PRDM11: variants seen among roughly 807,000 people sequenced by gnomAD.
The protein encoded by PRDM11 is PR domain-containing protein 11.
Under a neutral mutation model 97.8 loss-of-function variants are expected in PRDM11, and 20 were observed. The ratio of observed to expected loss-of-function variants is 0.20; its 90% CI spans 0.14 to 0.30. The LOEUF (loss-of-function observed/expected upper bound fraction) is 0.30, where lower values mean the gene tolerates loss of function less well. PRDM11 is among the 10% of genes least tolerant of loss of function. PRDM11 has a pLI of 1.00. For synonymous variants in PRDM11, 599 were observed against 637.7 expected, an observed-to-expected ratio of 0.94 and a Z score of 0.91; for missense variants, 1,139 against 1,555.2, an observed-to-expected ratio of 0.73 and a Z score of 4.50.
intron 6 of PRDM11, among the ~76,000 whole-genome samples, chr11:45,223,918 A>G (rs1032421498): frequency 1.3e-5 from 2 of 152,312 alleles, no homozygotes; most frequent in Middle Eastern, 3.4e-3. Flanking sequence ...GTCATAGGAA[A>G]GAATGTTCAA....
intron 1 of PRDM11, among the ~76,000 whole-genome samples, chr11:45,156,482 C>G (rs916533396): frequency 5.3e-5 from 8 of 152,232 alleles, no homozygotes; most frequent in African/African-American, 1.9e-4. Flanking sequence ...GGTCCGCAGA[C>G]CTCTGCCCAT....
At chr11:45,196,458 G>A (rs895845160) in intron 4 of PRDM11, among the ~76,000 whole-genome samples, 2 of 152,086 alleles carry the variant, frequency 1.3e-5, no homozygotes, top group African/African-American at 4.8e-5. Context: ...ATTTCTCTCT[G>A]GCTCATTCCA....
chr11:45,193,751 T>C (rs983371603), intron 4 of PRDM11, among the ~76,000 whole-genome samples: 5 of 152,252 alleles, frequency 3.3e-5, no homozygotes, highest in African/African-American at 7.2e-5. Context: ...GACAATCATT[T>C]ACTCTTGCTC....
intron 4 of PRDM11, among the ~76,000 whole-genome samples, chr11:45,196,351 C>T (rs147566887): frequency 6.6e-6 from 1 of 152,254 alleles, no homozygotes; most frequent in East Asian, 1.9e-4. Context: ...CCATGGGGTG[C>T]TTTTCATGTC....
intron 5 of PRDM11, among the ~76,000 whole-genome samples, chr11:45,207,741 C>T (rs908587632): frequency 6.6e-6 from 1 of 152,226 alleles, no homozygotes; most frequent in Non-Finnish European, 1.5e-5. Context: ...CTGCCACCAT[C>T]TTGGACTGGG....
Position 45,166,652 on chromosome 11 carries a change from C to T in PRDM11, c.-6-15109C>T, listed in dbSNP as rs1260983669. Among the ~76,000 whole-genome samples, 8 of 152,238 alleles carry T rather than the reference C, an allele frequency of 5.3e-5. No individual in the cohort carries two copies. In the East Asian group the frequency reaches 1.5e-3, roughly 29 times the overall value. On this transcript the variant is annotated intron_variant, in intron 1 of 7. Coordinates refer to ENST00000683152, the MANE Select transcript of PRDM11 (RefSeq NM_001384648.1). ...CTAGCACCTAGGACAGTGCCTGGCA[C>T]TTGGTAGGATGTGAACACAGAAGAG...
chr11:45,176,274 G>A (rs1852326043), intron 1 of PRDM11, among the ~76,000 whole-genome samples: 1 of 152,102 alleles, frequency 6.6e-6, no homozygotes, highest in Non-Finnish European at 1.5e-5. Flanking sequence ...TTATTGGGGA[G>A]GCTGAGACAG....
At position 45,227,337 on chromosome 11, in the gene PRDM11, G is replaced by T; in HGVS notation, c.2712G>T (p.Leu904=). Residue 904 remains leucine (L), a synonymous_variant, in exon 8 of 8, where the codon CTG becomes CTT. Transcript: ENST00000683152. The surrounding 1 kb of genome is among the most constrained non-coding windows in gnomAD (Gnocchi z 8.0). The part of the protein sequence containing the change: ...LAYIFQGEYL[L]VSQVDDKIEE... ...ACATCTTCCAGGGCGAGTACCTGCTGGTGTCCCAGGTGGATGACAAGATCG... is the reference window on the plus strand; with the variant it reads ...ACATCTTCCAGGGCGAGTACCTGCTTGTGTCCCAGGTGGATGACAAGATCG... The T allele has an allele frequency of 1.3e-6, 2 of 1,533,972 alleles. No individual in the cohort carries two copies. Among genetic ancestry groups the T allele is most frequent in the Non-Finnish European group, 1.7e-6 (2 of 1,146,748 alleles).
At chr11:45,155,693 G>C (rs1851776541) in intron 1 of PRDM11, among the ~76,000 whole-genome samples, 1 of 151,956 alleles carries the variant, frequency 6.6e-6, no homozygotes, top group African/African-American at 2.4e-5. Flanking sequence ...GAGGCAGAGG[G>C]CAGGGAGGTG....
At chr11:45,201,403 A>C (rs1232380114) in intron 4 of PRDM11, among the ~76,000 whole-genome samples, 1 of 152,130 alleles carries the variant, frequency 6.6e-6, no homozygotes, top group Non-Finnish European at 1.5e-5. Context: ...TTTTTACTAA[A>C]ATCTTAACAT....
intron 5 of PRDM11, chr11:45,208,821 C>T (rs1473226397): frequency 2.6e-6 from 1 of 383,788 alleles, no homozygotes; most frequent in Non-Finnish European, 5.3e-6. Flanking sequence ...AGGAGAACCA[C>T]CTGCATTGAC....
At chr11:45,156,385 G>A (rs1382700662) in intron 1 of PRDM11, among the ~76,000 whole-genome samples, 1 of 152,190 alleles carries the variant, frequency 6.6e-6, no homozygotes, top group African/African-American at 2.4e-5. Flanking sequence ...GGGTCCAGAC[G>A]TACACACCTG....
chr11:45,137,047 C>T (rs1852871800), intron 1 of PRDM11, among the ~76,000 whole-genome samples: 1 of 151,402 alleles, frequency 6.6e-6, no homozygotes, highest in African/African-American at 2.4e-5. Context: ...CCTGTAATTC[C>T]AGCCACTCGG....
At chr11:45,200,327 C>T (rs1333372983) in intron 4 of PRDM11, among the ~76,000 whole-genome samples, 1 of 152,206 alleles carries the variant, frequency 6.6e-6, no homozygotes, top group Non-Finnish European at 1.5e-5. Flanking sequence ...TGTTGAACCA[C>T]AGGCCTCCCA....
chr11:45,232,367 C>G lies in PRDM11; in HGVS notation c.*4208C>G, dbSNP rs1854414207. 6.6e-6 allele frequency: 1 copy of G among 152,326 alleles called. No individual in the cohort carries two copies. The highest frequency in any genetic ancestry group is 6.5e-5 in the Admixed American group (1 of 15,286). 9.4% of individuals were successfully genotyped at this position (152,326 alleles called of 1,614,324 possible). On this transcript the variant is annotated 3_prime_UTR_variant, in exon 8 of 8. Coordinates refer to ENST00000683152, the MANE Select transcript of PRDM11 (RefSeq NM_001384648.1). Reference sequence around the variant, plus strand: ...CCCCCCTTTCATTTTCCTTCTACCCCCTCTAGGAATGGGAGTTCTAGACCT... The same window carrying G: ...CCCCCCTTTCATTTTCCTTCTACCCGCTCTAGGAATGGGAGTTCTAGACCT...
At chr11:45,213,392 C>A (rs926669818) in intron 5 of PRDM11, 3 of 446,144 alleles carry the variant, frequency 6.7e-6, no homozygotes, top group Non-Finnish European at 1.4e-5. Context: ...ACTTTCCAAC[C>A]TTGGGGCTGC....
intron 1 of PRDM11, among the ~76,000 whole-genome samples, chr11:45,148,124 G>C (rs1851568923): frequency 6.6e-6 from 1 of 152,170 alleles, no homozygotes; most frequent in Admixed American, 6.5e-5. Flanking sequence ...CCGACTCTCT[G>C]AAAGGTGGAC....
chr11:45,099,216 G>T (rs1487257132), intron 1 of PRDM11, among the ~76,000 whole-genome samples: 1 of 151,838 alleles, frequency 6.6e-6, no homozygotes, highest in Non-Finnish European at 1.5e-5. Flanking sequence ...ACTTTGGGAG[G>T]CTGAGGTGGG....
At position 45,133,687 on chromosome 11, in the gene PRDM11, T is replaced by C. The variant is rs531064221; in HGVS notation, c.96+37786T>C. Among the ~76,000 whole-genome samples, 13 of 152,306 alleles carry C rather than the reference T, an allele frequency of 8.5e-5. No homozygotes were observed. In the South Asian group the frequency reaches 2.7e-3, roughly 32 times the overall value. On this transcript the variant is annotated intron_variant, in intron 1 of 6. Coordinates refer to the PRDM11 transcript ENST00000530656. ...AACTCCTTCCCTTCTTCTACTGGCA[T>C]GTGCAGCACTAATGATAGTACTAAC...
Sources: allele counts gnomAD v4.1 joint callset (sites outside exome capture counted in the v4.1 genomes callset), GRCh38; gene constraint gnomAD v4.1.1; non-coding constraint Gnocchi (gnomAD v3.1); transcripts MANE v1.5; gene names NCBI Gene and HGNC (gene_info 2026-07-23, HGNC 2026-07-21).